Variants in ZDHHC2 observed in about 807,000 individuals in gnomAD.
ZDHHC2 encodes palmitoyltransferase ZDHHC2.
ZDHHC2 carries 51 observed loss-of-function variants against 55.6 expected under a neutral mutation model. That is an observed-to-expected ratio of 0.92 (90% CI 0.73 to 1.16). ZDHHC2 has a LOEUF of 1.16. ZDHHC2 is among the 50% of genes most tolerant of loss of function. The pLI is 0.00. For synonymous variants in ZDHHC2, 199 were observed against 152.9 expected (o/e 1.30, Z -2.22); for missense variants, 491 against 442.4 (o/e 1.11, Z -0.99).
rs74472900 is a variant in ZDHHC2 at position 17,207,634 on chromosome 8, A to G, written c.598-326A>G. On this transcript the variant is annotated intron_variant, in intron 7 of 12. Coordinates refer to ENST00000262096, the MANE Select transcript of ZDHHC2 (RefSeq NM_016353.5). ...AAACATACTCCGTTAATAAATTTAA[A>G]ACTACATTTTATAGTTCCATTTATC... 6.2e-4 allele frequency among the ~76,000 whole-genome samples: 95 copies of G among 152,288 alleles called. 1 individual carries two copies. In the East Asian group the frequency reaches 0.017, roughly 27 times the overall value.
rs1485451025 is a variant in ZDHHC2 at position 17,184,867 on chromosome 8, A to G, written c.157+52A>G. 2.8e-6 allele frequency: 4 copies of G among 1,444,932 alleles called. No individual in the cohort carries two copies. In the African/African-American group the frequency reaches 4.3e-5, roughly 16 times the overall value. The allele number at this position is 1,444,932 out of a possible 1,614,324, so 89.5% of individuals were successfully genotyped here. A position where few individuals can be genotyped will look rare whatever the true frequency, so the allele number is the denominator to read the frequency against. On this transcript the variant is annotated intron_variant, in intron 2 of 12. Coordinates refer to ENST00000262096, the MANE Select transcript of ZDHHC2 (RefSeq NM_016353.5). Reference sequence around the variant, plus strand: ...GATTTTTTAAATAGTTTGAAAAAAAATTGTATTCACTTAGATTTGGTTGGG... The same window carrying G: ...GATTTTTTAAATAGTTTGAAAAAAAGTTGTATTCACTTAGATTTGGTTGGG...
rs927988133 is a variant in ZDHHC2 at position 17,224,503 on chromosome 8, A to T, written c.*4282A>T. On this transcript the variant is annotated 3_prime_UTR_variant, in exon 13 of 13. Coordinates refer to ENST00000262096, the MANE Select transcript of ZDHHC2 (RefSeq NM_016353.5). ...ATGATTTATGTTGCATCTTCCGGGG[A>T]AGGTTTAACAGTACAAGGAGCTGAA... 1 of 151,584 alleles carries T rather than the reference A, an allele frequency of 6.6e-6. No homozygotes were observed. The highest frequency in any genetic ancestry group is 1.5e-5 in the Non-Finnish European group (1 of 67,650). The allele number at this position is 151,584 out of a possible 1,614,324, so 9.4% of individuals were successfully genotyped here.
chr8:17,172,861 C>G (rs919348820), intron 1 of ZDHHC2, among the ~76,000 whole-genome samples: 7 of 152,152 alleles, frequency 4.6e-5, no homozygotes, highest in Non-Finnish European at 8.8e-5. Context: ...TACTGTTGCT[C>G]TAGGAACCCA....
intron 1 of ZDHHC2, among the ~76,000 whole-genome samples, chr8:17,172,902 G>C (rs1804933354): frequency 6.6e-6 from 1 of 152,170 alleles, no homozygotes. Context: ...TTCTTGAAGT[G>C]GGATGGTTAG....
intron 1 of ZDHHC2, among the ~76,000 whole-genome samples, chr8:17,177,623 G>A (rs998046426): frequency 3.9e-5 from 6 of 152,176 alleles, no homozygotes; most frequent in Admixed American, 2.0e-4. Flanking sequence ...TCTCAACAGT[G>A]TAAGCACAGT....
At chr8:17,207,683 A>G (rs1381572569) in intron 7 of ZDHHC2, among the ~76,000 whole-genome samples, 1 of 152,140 alleles carries the variant, frequency 6.6e-6, no homozygotes, top group African/African-American at 2.4e-5. Context: ...CAGTTTATAC[A>G]TATACTACCA....
At chr8:17,207,183 T>TCC (rs1807141649) in intron 7 of ZDHHC2, among the ~76,000 whole-genome samples, 1 of 152,160 alleles carries the variant, frequency 6.6e-6, no homozygotes, top group Non-Finnish European at 1.5e-5. Flanking sequence ...GACGACAGGG[T>TCC]ATTGGAATCT....
Position 17,210,048 on chromosome 8 carries a change from AT to A in ZDHHC2, c.853del (p.Ser285GlnfsTer3). Reference sequence around the variant, plus strand: ...TGAGAAGAAGTACTGGTTGCTACCCATTTTTTCAAGGTACTTCTTTGTTAAA... The same window carrying A: ...TGAGAAGAAGTACTGGTTGCTACCCATTTTTCAAGGTACTTCTTTGTTAAA... ...GDEKKYWLLPIFSSLGDGCSF... is the reference protein window; with the variant it reads ...GDEKKYWLLPXFSSLGDGCSF... On this transcript the variant is annotated frameshift_variant, in exon 9 of 13. Transcript: ENST00000262096. LOFTEE classifies it high-confidence loss of function. 1.2e-6 allele frequency: 2 copies of A among 1,600,116 alleles called. No homozygotes were observed. Among genetic ancestry groups the A allele is most frequent in the Non-Finnish European group, 1.7e-6 (2 of 1,172,760 alleles).
At chr8:17,211,861 A>G (rs766718205) in intron 10 of ZDHHC2, among the ~76,000 whole-genome samples, 77 of 152,142 alleles carry the variant, frequency 5.1e-4, no homozygotes, top group Non-Finnish European at 1.0e-4. Flanking sequence ...ATGGTTTTTC[A>G]TATACCTCAA....
rs1047194656 is a variant in ZDHHC2, at chr8:17,221,396, GTTT to G, written c.*1181_*1183del. ...GCCTTGTATGCACTATTTAAAAAAA[GTTT>G]TTTTTATTTGAGTCCAGTATAATTC... is the stretch of plus-strand genomic sequence containing the variant. On this transcript the variant is annotated 3_prime_UTR_variant, in exon 13 of 13. Transcript: ENST00000262096. 1 of 152,196 alleles carries G rather than the reference GTTT, an allele frequency of 6.6e-6. No individual in the cohort carries two copies. The highest frequency in any genetic ancestry group is 1.5e-5 in the Non-Finnish European group (1 of 67,886). 9.4% of individuals were successfully genotyped at this position (152,196 alleles called of 1,614,324 possible). A position where few individuals can be genotyped will look rare whatever the true frequency, so the allele number is the denominator to read the frequency against.
At chr8:17,181,695 A>G (rs74576335) in intron 1 of ZDHHC2, among the ~76,000 whole-genome samples, 3,126 of 152,258 alleles carry the variant, frequency 0.021, 94 homozygotes, top group African/African-American at 0.071. Flanking sequence ...ATTAAAACCA[A>G]TAGTTATTTT....
chr8:17,204,198 T>G (rs1806974423), intron 6 of ZDHHC2, among the ~76,000 whole-genome samples: 1 of 152,222 alleles, frequency 6.6e-6, no homozygotes, highest in Non-Finnish European at 1.5e-5. Flanking sequence ...TACCTTATAT[T>G]TTTTGAGGGA....
At position 17,156,732 on chromosome 8, in the gene ZDHHC2, C is replaced by T. The variant is rs1357505799; in HGVS notation, c.9C>T (p.Pro3=). The part of the protein sequence containing the change: MA[P]SGPGSSARRR... Reference sequence around the variant, plus strand: ...GTGGATGCGGCTGGAAGATGGCGCCCTCGGGCCCGGGCAGCAGCGCCAGGC... The same window carrying T: ...GTGGATGCGGCTGGAAGATGGCGCCTTCGGGCCCGGGCAGCAGCGCCAGGC... Residue 3 remains proline, a synonymous_variant, in exon 1 of 13, where the codon CCC becomes CCT. Transcript: ENST00000262096. The T allele has an allele frequency of 1.4e-6, 2 of 1,479,088 alleles. No homozygotes were observed. The highest frequency in any genetic ancestry group is 1.8e-6 in the Non-Finnish European group (2 of 1,112,722). 91.6% of individuals were successfully genotyped at this position (1,479,088 alleles called of 1,614,324 possible).
At chr8:17,194,581 C>T (rs1188669293) in intron 3 of ZDHHC2, among the ~76,000 whole-genome samples, 3 of 151,932 alleles carry the variant, frequency 2.0e-5, no homozygotes, top group Admixed American at 2.0e-4. Context: ...TATCTCTCAA[C>T]AACAGTGTAT....
At chr8:17,166,239 G>A (rs1006762805) in intron 1 of ZDHHC2, among the ~76,000 whole-genome samples, 2 of 152,188 alleles carry the variant, frequency 1.3e-5, no homozygotes, top group African/African-American at 4.8e-5. Flanking sequence ...CGTGGGCACT[G>A]GAAATGGTGA....
chr8:17,184,736 G>C (rs747400085), intron 1 of ZDHHC2, 53 bp from the exon 2 acceptor site: 3 of 1,473,134 alleles, frequency 2.0e-6, no homozygotes, highest in Non-Finnish European at 2.7e-6. Context: ...TCTGTGTCAA[G>C]CCCCGTTTGC....
At chr8:17,213,415 C>A (rs1465039292) in intron 10 of ZDHHC2, among the ~76,000 whole-genome samples, 1 of 151,928 alleles carries the variant, frequency 6.6e-6, no homozygotes, top group East Asian at 1.9e-4. Flanking sequence ...CAATGCCCGG[C>A]TAATTTTTGT....
intron 1 of ZDHHC2, among the ~76,000 whole-genome samples, chr8:17,171,994 C>A (rs1804878421): frequency 6.6e-6 from 1 of 151,814 alleles, no homozygotes; most frequent in South Asian, 2.1e-4. Context: ...CCCAGCACAT[C>A]CAAGAATGCA....
At chr8:17,204,056 T>A (rs1806966763) in intron 6 of ZDHHC2, among the ~76,000 whole-genome samples, 1 of 152,184 alleles carries the variant, frequency 6.6e-6, no homozygotes, top group African/African-American at 2.4e-5. Context: ...TCTGCCTGCC[T>A]CGGCCACCCA....
Sources: allele counts gnomAD v4.1 joint callset (sites outside exome capture counted in the v4.1 genomes callset), GRCh38; gene constraint gnomAD v4.1.1; transcripts MANE v1.5; gene names NCBI Gene and HGNC (gene_info 2026-07-23, HGNC 2026-07-21).